The following KLHL18 variants were observed in gnomAD, a reference collection of about 807,000 sequenced individuals.
KLHL18 encodes kelch-like protein 18.
A neutral mutation model predicts 58.5 loss-of-function variants in KLHL18; 38 were observed. The ratio of observed to expected loss-of-function variants is 0.65; its 90% confidence interval spans 0.50 to 0.85. KLHL18 has a LOEUF of 0.85. Ranked by LOEUF, KLHL18 falls within the 40% of genes least tolerant of loss-of-function variation. The pLI is 0.00. For missense variants in KLHL18, 624 were observed against 778.4 expected, an observed-to-expected ratio of 0.80 and a Z score of 2.36; for synonymous variants, 303 against 301.9, an observed-to-expected ratio of 1.00 and a Z score of -0.04.
Position 47,344,143 on chromosome 3 carries a change from G to A in KLHL18, c.*202G>A. On this transcript the variant is annotated 3_prime_UTR_variant, in exon 10 of 10. Coordinates refer to ENST00000232766, the MANE Select transcript of KLHL18 (RefSeq NM_025010.5). ...CAGGCTTGGGTCATCAAGATGCACA[G>A]CATGGAACACAAGCTCCTCTGGATC... 1.6e-6 allele frequency: 1 copy of A among 611,122 alleles called. No homozygotes were observed. 37.9% of individuals were successfully genotyped at this position (611,122 alleles called of 1,614,324 possible).
intron 1 of KLHL18, among the ~76,000 whole-genome samples, chr3:47,293,589 G>C (rs904122137): frequency 3.9e-5 from 6 of 152,196 alleles, no homozygotes; most frequent in Admixed American, 2.0e-4. Flanking sequence ...GATGTGTTGT[G>C]AGCTTATTTT....
intron 9 of KLHL18, 127 bp from the exon 10 acceptor site, chr3:47,343,428 G>T: frequency 9.1e-7 from 1 of 1,096,298 alleles, no homozygotes. Context: ...TACTGGGAGA[G>T]CTCCTTGTCC....
At chr3:47,314,949 C>G (rs760339424) in intron 1 of KLHL18, among the ~76,000 whole-genome samples, 10 of 152,090 alleles carry the variant, frequency 6.6e-5, no homozygotes, top group Non-Finnish European at 1.3e-4. Context: ...GAAACCAGGT[C>G]ACTCTGTTGG....
At chr3:47,336,320 AAAT>A (rs1345627917) in intron 6 of KLHL18, among the ~76,000 whole-genome samples, 2 of 152,208 alleles carry the variant, frequency 1.3e-5, no homozygotes, top group Non-Finnish European at 2.9e-5. Flanking sequence ...CCTCTCTAAA[AAAT>A]AAATACCTCC....
At position 47,342,750 on chromosome 3, in the gene KLHL18, C is replaced by T; in HGVS notation, c.1258C>T (p.Arg420Cys). Residue 420 changes from arginine to cysteine, a missense_variant, in exon 9 of 10, where the codon CGC becomes TGC. Coordinates refer to ENST00000232766, the MANE Select transcript of KLHL18 (RefSeq NM_025010.5). ...AGTGGTGACCTCGATGAGCTCGAAT[C>T]GCAGTGCTGCTGGGGTTACAGTCTT... ...WTVVTSMSSN[R>C]SAAGVTVFEG... 3.7e-6 allele frequency: 6 copies of T among 1,614,160 alleles called. No homozygotes were observed. The highest frequency in any genetic ancestry group is 5.1e-6 in the Non-Finnish European group (6 of 1,180,010).
intron 8 of KLHL18, among the ~76,000 whole-genome samples, chr3:47,342,270 A>G (rs1234244805): frequency 2.6e-5 from 4 of 152,074 alleles, no homozygotes; most frequent in African/African-American, 9.7e-5. Flanking sequence ...GGTCCAGATG[A>G]GAGGTCAGGG....
chr3:47,311,884 G>A (rs1217032063), intron 1 of KLHL18, among the ~76,000 whole-genome samples: 1 of 152,170 alleles, frequency 6.6e-6, no homozygotes, highest in Non-Finnish European at 1.5e-5. Context: ...GAGGCAAGCA[G>A]GAGTACTGCA....
At chr3:47,339,548 G>A (rs1464045233) in intron 7 of KLHL18, among the ~76,000 whole-genome samples, 2 of 151,186 alleles carry the variant, frequency 1.3e-5, no homozygotes, top group Non-Finnish European at 2.9e-5. Flanking sequence ...TGTAGTAAAT[G>A]CACAGCAAAC....
intron 1 of KLHL18, among the ~76,000 whole-genome samples, chr3:47,315,077 A>G (rs1349724014): frequency 1.3e-5 from 2 of 152,166 alleles, no homozygotes; most frequent in Non-Finnish European, 2.9e-5. Flanking sequence ...CCATAACCCC[A>G]TTAAAATAGT....
intron 4 of KLHL18, 90 bp downstream of exon 4, chr3:47,330,239 A>G: frequency 8.3e-7 from 1 of 1,209,480 alleles, no homozygotes; most frequent in Non-Finnish European, 1.2e-6. Context: ...TTACAAAGTT[A>G]AGATCATGAC....
intron 3 of KLHL18, 70 bp from the exon 4 acceptor site, chr3:47,329,881 C>G (rs1703813244): frequency 1.5e-6 from 2 of 1,378,220 alleles, no homozygotes; most frequent in Admixed American, 3.4e-5. Context: ...CTACCCAGAA[C>G]CAGCCTGAGA....
intron 3 of KLHL18, 124 bp downstream of exon 3, chr3:47,322,832 C>T (rs2107634202): frequency 1.1e-6 from 1 of 877,948 alleles, no homozygotes; most frequent in Non-Finnish European, 1.6e-6. Context: ...AAAGGTTATT[C>T]TGCAGCACTT....
At chr3:47,300,192 T>C (rs1235521221) in intron 1 of KLHL18, among the ~76,000 whole-genome samples, 1 of 149,988 alleles carries the variant, frequency 6.7e-6, no homozygotes, top group Non-Finnish European at 1.5e-5. Flanking sequence ...CCCACCTCCT[T>C]CTTTTCCTCC....
At chr3:47,325,169 ATTTTCTTTT>A (rs1197062965) in intron 3 of KLHL18, among the ~76,000 whole-genome samples, 4 of 148,868 alleles carry the variant, frequency 2.7e-5, no homozygotes, top group Non-Finnish European at 1.5e-5. Flanking sequence ...AAGGTGCATC[ATTTTCTTTT>A]TTTTCTTTTT....
chr3:47,315,524 C>T (rs995238109), intron 1 of KLHL18, among the ~76,000 whole-genome samples: 10 of 152,076 alleles, frequency 6.6e-5, no homozygotes, highest in Admixed American at 4.6e-4. Flanking sequence ...ATCTGTAGGC[C>T]GACAGATATT....
chr3:47,332,447 G>A lies in KLHL18; in HGVS notation c.601-710G>A, dbSNP rs1415429271. 2.6e-5 allele frequency among the ~76,000 whole-genome samples: 4 copies of A among 152,298 alleles called. No individual in the cohort carries two copies. The East Asian group carries it at 7.7e-4, about 29-fold the overall frequency. On this transcript the variant is annotated intron_variant, in intron 4 of 9. Coordinates refer to ENST00000232766, the MANE Select transcript of KLHL18 (RefSeq NM_025010.5). ...TTTTCCTCTTTCCTCTAGAAAAGGGGGATGCTAGAGAGGTGAAGCGGGCTT... is the reference window on the plus strand; with the variant it reads ...TTTTCCTCTTTCCTCTAGAAAAGGGAGATGCTAGAGAGGTGAAGCGGGCTT...
At chr3:47,289,990 C>T (rs1576130205) in intron 1 of KLHL18, among the ~76,000 whole-genome samples, 1 of 152,170 alleles carries the variant, frequency 6.6e-6, no homozygotes, top group Non-Finnish European at 1.5e-5. Context: ...CAAAACTGCC[C>T]TTGTACCCCT....
At chr3:47,332,382 GAA>G (rs1367980600) in intron 4 of KLHL18, among the ~76,000 whole-genome samples, 14 of 151,976 alleles carry the variant, frequency 9.2e-5, no homozygotes, top group Non-Finnish European at 1.5e-4. Context: ...AGAAAGAAAA[GAA>G]AAAAGAAATT....
intron 1 of KLHL18, among the ~76,000 whole-genome samples, chr3:47,300,317 A>G (rs962564086): frequency 3.7e-5 from 5 of 134,186 alleles, no homozygotes; most frequent in South Asian, 2.4e-4. Context: ...ATATGTGTGT[A>G]TATATGTATA....
Sources: gnomAD v4.1 joint callset for allele counts (sites outside exome capture counted in the v4.1 genomes callset) on GRCh38, gnomAD v4.1.1 for gene constraint, MANE v1.5 for transcripts, NCBI Gene and HGNC (gene_info 2026-07-23, HGNC 2026-07-21) for gene names.